The following SEC31A variants were observed in gnomAD, a reference collection of about 807,000 sequenced individuals.
The protein encoded by SEC31A is SEC31 homolog A, COPII component.
In SEC31A, 70 loss-of-function variants were observed where a neutral mutation model predicts 151.0. That is an observed-to-expected ratio of 0.46 (90% confidence interval 0.38 to 0.57). The LOEUF is 0.57. SEC31A is among the 20% of genes least tolerant of loss of function. The pLI, the probability that SEC31A is intolerant of heterozygous loss-of-function variation, is 0.00. For synonymous variants in SEC31A, 475 were observed against 505.9 expected, an observed-to-expected ratio of 0.94 and a Z score of 0.82; for missense variants, 1,330 against 1,471.2, an observed-to-expected ratio of 0.90 and a Z score of 1.57.
chr4:82,830,937 C>T, intron 22 of SEC31A: 2 of 1,211,614 alleles, frequency 1.7e-6, no homozygotes, highest in Non-Finnish European at 2.1e-6. Flanking sequence ...ACCAATTCAC[C>T]TTCCAACATA....
Position 82,878,726 on chromosome 4 carries a change from T to TA in SEC31A, c.402+3dup. On this transcript the variant is annotated splice_donor_region_variant and intron_variant, in intron 4 of 26. Coordinates refer to ENST00000395310, the MANE Select transcript of SEC31A (RefSeq NM_001077207.4). ...TAAGAATTATGAAATGTTAAAGTCTTAACCTGGAAAATGTTCACATCCAAG... is the reference window on the plus strand; with the variant it reads ...TAAGAATTATGAAATGTTAAAGTCTTAAACCTGGAAAATGTTCACATCCAAG... 1 of 1,611,488 alleles carries TA rather than the reference T, an allele frequency of 6.2e-7. No homozygotes were observed. The highest frequency in any genetic ancestry group is 1.3e-5 in the African/African-American group (1 of 74,980).
intron 22 of SEC31A, among the ~76,000 whole-genome samples, chr4:82,833,220 C>T (rs961264145): frequency 2.0e-5 from 3 of 152,124 alleles, no homozygotes; most frequent in Non-Finnish European, 4.4e-5. Flanking sequence ...GAATACTATG[C>T]AGCCATAAAA....
intron 1 of SEC31A, among the ~76,000 whole-genome samples, chr4:82,889,156 GAACT>G (rs1741654099): frequency 6.6e-6 from 1 of 152,164 alleles, no homozygotes; most frequent in Middle Eastern, 3.2e-3. Flanking sequence ...ACTGGTTACT[GAACT>G]AATTGGTGTC....
At chr4:82,845,219 G>A (rs1290326106) in intron 20 of SEC31A, 1 of 1,533,404 alleles carries the variant, frequency 6.5e-7, no homozygotes, top group Admixed American at 2.0e-5. Flanking sequence ...CAGAGGGAGA[G>A]GCTGCAGGTG....
At chr4:82,869,115 T>TTTTA (rs1327834438) in intron 8 of SEC31A, among the ~76,000 whole-genome samples, 6 of 151,886 alleles carry the variant, frequency 4.0e-5, no homozygotes, top group African/African-American at 1.5e-4. Context: ...AAATTCCAAT[T>TTTTA]TTTATTTATT....
intron 14 of SEC31A, among the ~76,000 whole-genome samples, chr4:82,858,332 T>G (rs1578259704): frequency 6.6e-6 from 1 of 150,896 alleles, no homozygotes; most frequent in Non-Finnish European, 1.5e-5. Flanking sequence ...GATCACGAGG[T>G]CGGGAGATCG....
chr4:82,851,672 C>A, intron 18 of SEC31A, 68 bp from the exon 19 acceptor site: 1 of 1,347,050 alleles, frequency 7.4e-7, no homozygotes, highest in African/African-American at 1.5e-5. Context: ...AGGAAAAGAT[C>A]AAGAGTTACT....
At chr4:82,866,622 A>T (rs1377542436) in intron 10 of SEC31A, among the ~76,000 whole-genome samples, 186 bp downstream of exon 10, 1 of 152,206 alleles carries the variant, frequency 6.6e-6, no homozygotes, top group Non-Finnish European at 1.5e-5. Context: ...CATGATTTTT[A>T]AAAAAGGGAA....
chr4:82,820,967 G>C, intron 26 of SEC31A, 70 bp downstream of exon 26: 1 of 1,327,636 alleles, frequency 7.5e-7, no homozygotes, highest in Non-Finnish European at 1.1e-6. Context: ...TGGGAGTGCT[G>C]ATAAGACAAC....
chr4:82,890,755 T>G, intron 1 of SEC31A: 6 of 1,164,198 alleles, frequency 5.2e-6, no homozygotes, highest in East Asian at 8.5e-5. Context: ...CCGCACCTCT[T>G]TGTGCACAAG....
intron 26 of SEC31A, 152 bp downstream of exon 26, chr4:82,820,885 G>A: frequency 1.5e-6 from 1 of 684,514 alleles, no homozygotes; most frequent in Non-Finnish European, 2.6e-6. Flanking sequence ...CCCAGTGAGT[G>A]GAATTTATGA....
intron 6 of SEC31A, among the ~76,000 whole-genome samples, chr4:82,873,167 T>C (rs2125707822): frequency 6.6e-6 from 1 of 152,170 alleles, no homozygotes; most frequent in Middle Eastern, 3.4e-3. Flanking sequence ...GAGACCAGTC[T>C]GGCCAACATG....
chr4:82,838,759 T>C (rs1009077287), intron 22 of SEC31A, among the ~76,000 whole-genome samples: 4 of 152,224 alleles, frequency 2.6e-5, no homozygotes, highest in Non-Finnish European at 4.4e-5. Flanking sequence ...ATAATTCTGA[T>C]TGTAGACCAA....
rs769996975 is a variant in SEC31A, at chr4:82,871,996, A to G, written c.730T>C (p.Trp244Arg). The stretch of plus-strand genomic sequence containing the variant: ...GGAGAGGAAGCAAATCGAAGATCCC[A>G]CATCTGGATCACTGGTAACCGGTCA... Reference protein sequence around the residue: ...EDDRLPVIQMWDLRFASSPLR... With the variant: ...EDDRLPVIQMRDLRFASSPLR... Residue 244 changes from tryptophan (W) to arginine (R), a missense_variant, in exon 7 of 27, where the codon TGG becomes CGG. By Grantham distance (101) the Trp-to-Arg change is moderately radical. Coordinates refer to ENST00000395310, the MANE Select transcript of SEC31A (RefSeq NM_001077207.4). The G allele has an allele frequency of 1.9e-6, 3 of 1,614,070 alleles. No homozygotes were observed. The highest frequency in any genetic ancestry group is 2.2e-5 in the East Asian group (1 of 44,880).
intron 19 of SEC31A, 136 bp from the exon 20 acceptor site, chr4:82,849,113 G>T: frequency 1.3e-6 from 1 of 748,962 alleles, no homozygotes; most frequent in Non-Finnish European, 2.1e-6. Context: ...AATAGACCCT[G>T]ACACACAGAT....
chr4:82,838,848 T>C (rs929328156), intron 22 of SEC31A, among the ~76,000 whole-genome samples: 3 of 152,246 alleles, frequency 2.0e-5, no homozygotes, highest in African/African-American at 7.2e-5. Flanking sequence ...GAGCACATAA[T>C]TTTGTTGTTC....
chr4:82,875,213 A>C (rs1423063802), intron 5 of SEC31A, among the ~76,000 whole-genome samples: 1 of 152,224 alleles, frequency 6.6e-6, no homozygotes, highest in Admixed American at 6.5e-5. Context: ...AGCCAGTTAC[A>C]ATGGCTACTC....
chr4:82,840,816 CA>C (rs1728557634), intron 22 of SEC31A, among the ~76,000 whole-genome samples: 1 of 152,052 alleles, frequency 6.6e-6, no homozygotes, highest in Non-Finnish European at 1.5e-5. Context: ...AAATATGGTA[CA>C]AAAGATTTAA....
chr4:82,859,233 T>C (rs1733508779), intron 14 of SEC31A, among the ~76,000 whole-genome samples: 1 of 152,180 alleles, frequency 6.6e-6, no homozygotes, highest in Non-Finnish European at 1.5e-5. Flanking sequence ...CTCAAATTAG[T>C]CATACCTGGA....
Sources: gnomAD v4.1 joint callset for allele counts (sites outside exome capture counted in the v4.1 genomes callset) on GRCh38, gnomAD v4.1.1 for gene constraint, MANE v1.5 for transcripts, NCBI Gene and HGNC (gene_info 2026-07-23, HGNC 2026-07-21) for gene names.